The following SNX29 variants were observed in gnomAD, a reference collection of about 807,000 sequenced individuals.
The protein encoded by SNX29 is sorting nexin-29.
Under a neutral mutation model 102.1 loss-of-function variants are expected in SNX29, and 78 were observed. The observed-to-expected ratio is 0.76, with a 90% confidence interval of 0.64 to 0.92. The LOEUF (loss-of-function observed/expected upper bound fraction) is 0.92. SNX29 is among the 40% of genes least tolerant of loss of function. The probability of loss-of-function intolerance (pLI) is 0.00; values close to 1 mark genes in which losing one functional copy is unlikely to be tolerated. For synonymous variants in SNX29, 580 were observed against 414.5 expected (o/e 1.40, Z -4.85); for missense variants, 1,280 against 1,061.7 (o/e 1.21, Z -2.86).
rs569824950 is a variant in SNX29, at chr16:12,548,588, C to A, written c.2319-19918C>A. The stretch of plus-strand genomic sequence containing the variant: ...GATGCTGGCTTCCCTGTAAGTCCCA[C>A]TCCAGGCCCGGGTACTCTGTCCAAG... On this transcript the variant is annotated intron_variant, in intron 20 of 20. Transcript: ENST00000566228. Among the ~76,000 whole-genome samples, 51 of 152,314 alleles carry A rather than the reference C, an allele frequency of 3.3e-4. 1 individual carries two copies. The highest frequency in any genetic ancestry group is 1.1e-3 in the African/African-American group (46 of 41,550).
intron 11 of SNX29, chr16:12,088,030 C>T (rs1340362153): frequency 1.8e-5 from 8 of 456,520 alleles, no homozygotes; most frequent in African/African-American, 6.0e-5. Context: ...TGCCCTGTCT[C>T]GTTCTGGCTT....
chr16:12,544,293 C>T (rs1022850126), intron 20 of SNX29, among the ~76,000 whole-genome samples: 4 of 152,336 alleles, frequency 2.6e-5, no homozygotes, highest in East Asian at 3.9e-4. Flanking sequence ...GTACGGCATC[C>T]AGGCCACAGG....
In SNX29 at chr16:12,078,845, C is replaced by T. The variant is rs910454495; in HGVS notation, c.1332C>T (p.Ser444=). ...DPGLRYSVEA[S]SPGHGSPLSS... ...TGCTTTTTCCTAGTGTGGAAGCCAG[C>T]TCTCCAGGCCACGGAAGTCCTCTGA... The change falls in exon 11 of 21, where the codon AGC becomes AGT. Residue 444 remains serine (S), a synonymous_variant. Transcript: ENST00000566228. 6.2e-7 allele frequency: 1 copy of T among 1,603,106 alleles called. No homozygotes were observed. Among genetic ancestry groups the T allele is most frequent in the Middle Eastern group, 1.7e-4 (1 of 6,050 alleles).
chr16:12,071,444 T>G (rs528542925), intron 10 of SNX29, among the ~76,000 whole-genome samples: 1 of 152,318 alleles, frequency 6.6e-6, no homozygotes, highest in South Asian at 2.1e-4. Context: ...CCCCAATGCT[T>G]GTTTTTCTCA....
chr16:12,057,925 C>T (rs1393206027), intron 8 of SNX29, among the ~76,000 whole-genome samples: 1 of 151,634 alleles, frequency 6.6e-6, no homozygotes, highest in Admixed American at 6.6e-5. Context: ...TCAAGCGATT[C>T]TCCTGCCTCA....
intron 11 of SNX29, among the ~76,000 whole-genome samples, chr16:12,113,063 G>A (rs765240491): frequency 1.3e-5 from 2 of 152,272 alleles, no homozygotes; most frequent in South Asian, 2.1e-4. Context: ...TTGTTGCTCC[G>A]CATTTCTGGG....
intron 13 of SNX29, among the ~76,000 whole-genome samples, chr16:12,162,487 T>TAC (rs2055830491): frequency 2.0e-5 from 3 of 152,236 alleles, no homozygotes; most frequent in Admixed American, 2.0e-4. Flanking sequence ...AGTCTGCTGT[T>TAC]GTAGCAAGAA....
chr16:12,179,118 C>A (rs1010235593), intron 13 of SNX29, among the ~76,000 whole-genome samples: 3 of 151,990 alleles, frequency 2.0e-5, no homozygotes, highest in Non-Finnish European at 4.4e-5. Flanking sequence ...ATATATATTC[C>A]TATGTGTAGA....
chr16:12,532,870 T>C (rs2076969362), intron 20 of SNX29, among the ~76,000 whole-genome samples: 1 of 152,144 alleles, frequency 6.6e-6, no homozygotes, highest in Admixed American at 6.5e-5. Flanking sequence ...TTCCCCTGCG[T>C]GAGAGAGCTG....
intron 14 of SNX29, among the ~76,000 whole-genome samples, chr16:12,218,950 A>AT (rs1165801227): frequency 4.6e-5 from 7 of 152,078 alleles, no homozygotes; most frequent in Admixed American, 1.3e-4. Context: ...AATTTTTTGT[A>AT]TTTTTAGTAG....
intron 16 of SNX29, among the ~76,000 whole-genome samples, chr16:12,395,102 C>T (rs547536676): frequency 3.3e-5 from 5 of 152,216 alleles, no homozygotes; most frequent in Admixed American, 2.0e-4. Flanking sequence ...CTTTTTCTCT[C>T]CCTCTTCTGT....
chr16:12,045,607 A>ATT (rs1326982515), intron 5 of SNX29, among the ~76,000 whole-genome samples: 3 of 76,854 alleles, frequency 3.9e-5, no homozygotes, highest in Non-Finnish European at 5.7e-5. Context: ...CTAGGCAGGC[A>ATT]TTATATTATT....
At chr16:12,443,119 G>A (rs1221889910) in intron 18 of SNX29, 1 of 437,236 alleles carries the variant, frequency 2.3e-6, no homozygotes, top group South Asian at 1.6e-5. Flanking sequence ...GGAAGATGGA[G>A]CATCTGCCTA....
intron 18 of SNX29, among the ~76,000 whole-genome samples, chr16:12,426,953 C>T (rs945019028): frequency 2.0e-5 from 3 of 152,296 alleles, no homozygotes; most frequent in Admixed American, 6.5e-5. Flanking sequence ...GGGCCCGAGC[C>T]ACCATGCCTG....
chr16:12,041,342 C>T (rs555520501), intron 4 of SNX29, among the ~76,000 whole-genome samples: 1 of 152,166 alleles, frequency 6.6e-6, no homozygotes, highest in Non-Finnish European at 1.5e-5. Context: ...GAACCCCTGA[C>T]CTCAGATGAT....
chr16:12,004,550 G>A (rs2056393178), intron 3 of SNX29, among the ~76,000 whole-genome samples: 1 of 152,090 alleles, frequency 6.6e-6, no homozygotes. Flanking sequence ...GGTGGCAGGA[G>A]GGACATTCCT....
At chr16:12,423,663 C>T (rs548335372) in intron 18 of SNX29, among the ~76,000 whole-genome samples, 31 of 152,242 alleles carry the variant, frequency 2.0e-4, no homozygotes, top group African/African-American at 6.7e-4. Flanking sequence ...CTCTGCCTCC[C>T]GTGTTCAAAC....
At chr16:12,132,420 G>A (rs986363568) in intron 13 of SNX29, among the ~76,000 whole-genome samples, 4 of 152,120 alleles carry the variant, frequency 2.6e-5, no homozygotes, top group African/African-American at 9.7e-5. Context: ...TTAATGGCTT[G>A]TATTAGCAGT....
chr16:12,380,372 TTA>T (rs2083032057), intron 16 of SNX29, among the ~76,000 whole-genome samples: 1 of 31,080 alleles, frequency 3.2e-5, no homozygotes, highest in African/African-American at 1.4e-4. Context: ...ATCCCTCCAC[TTA>T]TCCACCCACC....
Sources: gnomAD v4.1 joint callset for allele counts (sites outside exome capture counted in the v4.1 genomes callset) on GRCh38, gnomAD v4.1.1 for gene constraint, MANE v1.5 for transcripts, NCBI Gene and HGNC (gene_info 2026-07-23, HGNC 2026-07-21) for gene names.